AGBL4: variants seen among roughly 807,000 people sequenced by gnomAD.
AGBL4 encodes cytosolic carboxypeptidase 6.
AGBL4 carries 58 observed loss-of-function variants against 66.4 expected under a neutral mutation model. The observed-to-expected ratio is 0.87, with a 90% confidence interval of 0.71 to 1.09. AGBL4 has a LOEUF of 1.09. AGBL4 is among the 50% of genes least tolerant of loss of function. The pLI is 0.00. For synonymous variants in AGBL4, 234 were observed against 222.9 expected (o/e 1.05, Z -0.44); for missense variants, 579 against 631.0 (o/e 0.92, Z 0.88).
At position 48,946,203 on chromosome 1, in the gene AGBL4, C is replaced by T. The variant is rs117524123; in HGVS notation, c.595-78973G>A. Among the ~76,000 whole-genome samples, 70 of 152,268 alleles carry T rather than the reference C, an allele frequency of 4.6e-4. No individual in the cohort carries two copies. In the East Asian group the frequency reaches 0.01, roughly 23 times the overall value. ...TGTTTTAGGTATGTGTGCTCTATCA[C>T]CCCACAGGCACTGACCATACTGTGA... On this transcript the variant is annotated intron_variant, in intron 5 of 13. Coordinates refer to ENST00000371839, the MANE Select transcript of AGBL4 (RefSeq NM_032785.4).
intron 3 of AGBL4, among the ~76,000 whole-genome samples, chr1:49,357,601 A>G (rs1307770574): frequency 6.6e-6 from 1 of 152,116 alleles, no homozygotes; most frequent in Non-Finnish European, 1.5e-5. Flanking sequence ...CTTCTCAACT[A>G]TCCTAGGAGG....
intron 2 of AGBL4, among the ~76,000 whole-genome samples, chr1:49,718,202 T>C (rs1648310931): frequency 6.6e-6 from 1 of 152,054 alleles, no homozygotes; most frequent in African/African-American, 2.4e-5. Flanking sequence ...TTTAGCATTA[T>C]CCCCTTGGTG....
intron 6 of AGBL4, among the ~76,000 whole-genome samples, chr1:48,692,762 C>G (rs1405568836): frequency 6.6e-6 from 1 of 152,148 alleles, no homozygotes; most frequent in African/African-American, 2.4e-5. Flanking sequence ...CTAGTGACCA[C>G]CTCTTTGGCT....
intron 11 of AGBL4, among the ~76,000 whole-genome samples, chr1:48,545,517 G>C (rs1644144949): frequency 6.6e-6 from 1 of 152,164 alleles, no homozygotes; most frequent in African/African-American, 2.4e-5. Context: ...CTCTTGGCTG[G>C]AATGCTTTTC....
At chr1:49,682,977 C>T (rs1015508694) in intron 3 of AGBL4, among the ~76,000 whole-genome samples, 2 of 152,172 alleles carry the variant, frequency 1.3e-5, no homozygotes, top group East Asian at 3.9e-4. Context: ...GAGAAAGGTT[C>T]TACTTCACAA....
chr1:49,284,332 T>G (rs1284443037), intron 3 of AGBL4, among the ~76,000 whole-genome samples: 1 of 152,130 alleles, frequency 6.6e-6, no homozygotes, highest in Non-Finnish European at 1.5e-5. Flanking sequence ...TGAGAGATTT[T>G]GTCACCACCA....
chr1:49,778,850 G>A (rs950898297), intron 2 of AGBL4, among the ~76,000 whole-genome samples: 9 of 152,060 alleles, frequency 5.9e-5, no homozygotes, highest in Admixed American at 2.6e-4. Flanking sequence ...AAACTAACAC[G>A]TATAATATTT....
intron 2 of AGBL4, among the ~76,000 whole-genome samples, chr1:49,763,111 A>C (rs1485307482): frequency 6.6e-6 from 1 of 152,186 alleles, no homozygotes; most frequent in African/African-American, 2.4e-5. Context: ...ATAGTTATCT[A>C]ATTTTCCCTG....
chr1:48,915,649 C>T (rs58805862), intron 5 of AGBL4, among the ~76,000 whole-genome samples: 21,861 of 152,072 alleles, frequency 0.14, 1,947 homozygotes, highest in African/African-American at 0.25. Flanking sequence ...TTGTTAGAAA[C>T]GTAAGTTCTT....
At chr1:49,464,118 A>G (rs1646574852) in intron 3 of AGBL4, among the ~76,000 whole-genome samples, 1 of 151,782 alleles carries the variant, frequency 6.6e-6, no homozygotes, top group Non-Finnish European at 1.5e-5. Flanking sequence ...TGAGTACATA[A>G]CAGAGGGAAA....
chr1:49,285,705 C>A (rs1644388791), intron 3 of AGBL4, among the ~76,000 whole-genome samples: 1 of 152,182 alleles, frequency 6.6e-6, no homozygotes, highest in African/African-American at 2.4e-5. Context: ...ACCAATCCCA[C>A]AGAAATACAG....
chr1:49,993,337 G>T (rs1198873462), intron 1 of AGBL4, among the ~76,000 whole-genome samples: 5 of 152,170 alleles, frequency 3.3e-5, no homozygotes, highest in Non-Finnish European at 7.3e-5. Context: ...CCTTGATCCA[G>T]AAATCTAGCC....
At chr1:49,478,513 G>A (rs868570702) in intron 3 of AGBL4, among the ~76,000 whole-genome samples, 1 of 151,858 alleles carries the variant, frequency 6.6e-6, no homozygotes, top group African/African-American at 2.4e-5. Flanking sequence ...AATCATGAAG[G>A]AGAAATAAAG....
chr1:48,646,513 A>ATTGTGTG (rs761861992), intron 8 of AGBL4, among the ~76,000 whole-genome samples: 2 of 131,436 alleles, frequency 1.5e-5, no homozygotes, highest in African/African-American at 5.7e-5. Context: ...ACCAGTTATA[A>ATTGTGTG]TGTGTGTGTG....
chr1:49,847,215 G>A (rs1447641630), intron 2 of AGBL4, among the ~76,000 whole-genome samples: 1 of 152,154 alleles, frequency 6.6e-6, no homozygotes, highest in Admixed American at 6.5e-5. Context: ...ACCTGCAGAA[G>A]AATGAAACTA....
chr1:49,462,288 G>GT (rs1329593881), intron 3 of AGBL4, among the ~76,000 whole-genome samples: 1 of 151,720 alleles, frequency 6.6e-6, no homozygotes, highest in African/African-American at 2.4e-5. Context: ...TGAACTAAAC[G>GT]TAAGTATAGA....
At chr1:49,890,583 C>A (rs1036608293) in intron 1 of AGBL4, among the ~76,000 whole-genome samples, 1 of 152,078 alleles carries the variant, frequency 6.6e-6, no homozygotes. Flanking sequence ...CCACCAAATC[C>A]CACTTCCTCT....
chr1:49,828,514 C>G (rs1645569018), intron 2 of AGBL4, among the ~76,000 whole-genome samples: 1 of 152,108 alleles, frequency 6.6e-6, no homozygotes, highest in African/African-American at 2.4e-5. Flanking sequence ...GCTCTGGAAA[C>G]AGGCAGAAAG....
intron 4 of AGBL4, among the ~76,000 whole-genome samples, chr1:49,166,008 A>G (rs1343731228): frequency 1.3e-5 from 2 of 152,178 alleles, no homozygotes. Flanking sequence ...GACCCTTTCA[A>G]GAAGAAAAAC....
Sources: allele counts gnomAD v4.1 joint callset (sites outside exome capture counted in the v4.1 genomes callset), GRCh38; gene constraint gnomAD v4.1.1; transcripts MANE v1.5; gene names NCBI Gene and HGNC (gene_info 2026-07-23, HGNC 2026-07-21).